Variants in RHOU observed in about 807,000 individuals in gnomAD.
The protein encoded by RHOU is rho-related GTP-binding protein RhoU.
RHOU carries 8 observed loss-of-function variants against 12.6 expected under a neutral mutation model. That is an observed-to-expected ratio of 0.64 (90% CI 0.37 to 1.15). The LOEUF is 1.15. Ranked by LOEUF, RHOU falls within the 50% of genes most tolerant of loss-of-function variation. The probability of loss-of-function intolerance (pLI) is 0.01; values close to 1 mark genes in which losing one functional copy is unlikely to be tolerated. For synonymous variants in RHOU, 161 were observed against 147.4 expected, an observed-to-expected ratio of 1.09 and a Z score of -0.67; for missense variants, 258 against 347.0, an observed-to-expected ratio of 0.74 and a Z score of 2.04.
At chr1:228,693,012 C>G in the RHOU span, among the ~76,000 whole-genome samples, 1,006 of 152,226 alleles carry the variant, frequency 6.6e-3, 5 homozygotes, top group Non-Finnish European at 6.0e-3. Context: ...CAAAACCGTA[C>G]TGTGAGTCTT....
chr1:228,702,092 A>G, the RHOU span, among the ~76,000 whole-genome samples: 1 of 152,316 alleles, frequency 6.6e-6, no homozygotes, highest in East Asian at 1.9e-4. Flanking sequence ...ATGCCAAATT[A>G]TATAAACTTA....
the RHOU span, among the ~76,000 whole-genome samples, chr1:228,648,858 C>CTTTCTT: frequency 9.3e-5 from 14 of 150,400 alleles, no homozygotes; most frequent in Admixed American, 2.7e-4. Context: ...CTTCCTCTCT[C>CTTTCTT]TCTTTCTTTC....
At chr1:228,681,126 G>A in the RHOU span, among the ~76,000 whole-genome samples, 1 of 152,180 alleles carries the variant, frequency 6.6e-6, no homozygotes, top group East Asian at 1.9e-4. Flanking sequence ...GGTGTCTGAT[G>A]AGAAAGAGCC....
At chr1:228,725,476 C>T in the RHOU span, among the ~76,000 whole-genome samples, 3 of 152,144 alleles carry the variant, frequency 2.0e-5, no homozygotes, top group Non-Finnish European at 4.4e-5. Context: ...CCCTGAGCAT[C>T]TCCCTTGAGC....
chr1:228,737,958 C>G lies in RHOU; in HGVS notation c.321+227C>G, dbSNP rs1202256320. Among the ~76,000 whole-genome samples, 2 of 152,140 alleles carry G rather than the reference C, an allele frequency of 1.3e-5. No individual in the cohort carries two copies. Among genetic ancestry groups the G allele is most frequent in the Admixed American group, 6.5e-5 (1 of 15,276 alleles). On this transcript the variant is annotated intron_variant, in intron 2 of 2. Transcript: ENST00000366691. The surrounding 1 kb of genome is among the most constrained non-coding windows in gnomAD (Gnocchi z 4.1). ...TAATAAAGCAGGGTTTGGCCCAGCT[C>G]TGCGTAACCAGGCAAGGGAGGAAGC...
rs1474939533 is a variant in RHOU, at chr1:228,745,375, TAGA to T, written c.*1640_*1642del. The T allele has an allele frequency of 2.0e-5, 3 of 152,226 alleles. No homozygotes were observed. Among genetic ancestry groups the T allele is most frequent in the Admixed American group, 1.3e-4 (2 of 15,282 alleles). 9.4% of individuals were successfully genotyped at this position (152,226 alleles called of 1,614,324 possible). A position where few individuals can be genotyped will look rare whatever the true frequency, so the allele number is the denominator to read the frequency against. On this transcript the variant is annotated 3_prime_UTR_variant, in exon 3 of 3. Transcript: ENST00000366691. ...AGGGAAATCTGTAAAGCCAGTTAGA[TAGA>T]AGAATTTTATTTTTCTGTGGGTTTT...
At position 228,743,257 on chromosome 1, in the gene RHOU, A is replaced by C; in HGVS notation, c.322-28A>C. Reference sequence around the variant, plus strand: ...TACTGATGAGAATTCATGAAAACATAACTTTTGGGTACTTTGCTTGGTTGC... The same window carrying C: ...TACTGATGAGAATTCATGAAAACATCACTTTTGGGTACTTTGCTTGGTTGC... On this transcript the variant is annotated intron_variant, in intron 2 of 2. Transcript: ENST00000366691. The surrounding 1 kb of genome is among the most constrained non-coding windows in gnomAD (Gnocchi z 5.1). 6.3e-7 allele frequency: 1 copy of C among 1,589,870 alleles called. No individual in the cohort carries two copies. The highest frequency in any genetic ancestry group is 8.6e-7 in the Non-Finnish European group (1 of 1,159,270).
the RHOU span, among the ~76,000 whole-genome samples, chr1:228,671,315 C>G: frequency 3.9e-5 from 6 of 152,080 alleles, no homozygotes; most frequent in Non-Finnish European, 1.5e-5. Flanking sequence ...TCAAGTAATT[C>G]TTTATAGCAA....
the RHOU span, among the ~76,000 whole-genome samples, chr1:228,722,593 G>A: frequency 6.6e-6 from 1 of 151,098 alleles, no homozygotes; most frequent in Admixed American, 6.6e-5. Flanking sequence ...GATAAGTTCG[G>A]TTTGTCAGAC....
the RHOU span, among the ~76,000 whole-genome samples, chr1:228,655,269 A>G: frequency 6.6e-6 from 1 of 151,854 alleles, no homozygotes; most frequent in African/African-American, 2.4e-5. Context: ...ATACCCAGCT[A>G]ATTTTTGTAT....
the RHOU span, among the ~76,000 whole-genome samples, chr1:228,670,211 A>G: frequency 6.6e-6 from 1 of 152,238 alleles, no homozygotes; most frequent in African/African-American, 2.4e-5. Context: ...AAGTGAGAAC[A>G]GATCCATTTA....
the RHOU span, among the ~76,000 whole-genome samples, chr1:228,681,132 G>C: frequency 2.2e-4 from 34 of 152,320 alleles, 1 homozygote; most frequent in South Asian, 6.6e-3. Context: ...TGATGAGAAA[G>C]AGCCTAAACG....
the RHOU span, among the ~76,000 whole-genome samples, chr1:228,647,268 CACCTCACTGTGCTCTTGGT>C: frequency 3.9e-5 from 6 of 152,150 alleles, no homozygotes; most frequent in Admixed American, 1.3e-4. Context: ...TCTTTCTTGG[CACCTCACTGTGCTCTTGGT>C]ACCTCACTGT....
chr1:228,707,249 ATATATAGTGTGTGTGTGTGT>A, the RHOU span, among the ~76,000 whole-genome samples: 1 of 94,722 alleles, frequency 1.1e-5, no homozygotes, highest in East Asian at 2.8e-4. Context: ...ATATATATAT[ATATATAGTGTGTGTGTGTGT>A]GTGTGTGTGT....
chr1:228,654,791 C>CG, the RHOU span, among the ~76,000 whole-genome samples: 1 of 152,084 alleles, frequency 6.6e-6, no homozygotes, highest in East Asian at 1.9e-4. Context: ...GGTCTTTTTT[C>CG]TTTTTTTAGA....
chr1:228,657,734 A>T, the RHOU span, among the ~76,000 whole-genome samples: 1 of 152,314 alleles, frequency 6.6e-6, no homozygotes, highest in African/African-American at 2.4e-5. Context: ...CTTTTTTCTC[A>T]AGTGCACACA....
the RHOU span, among the ~76,000 whole-genome samples, chr1:228,671,712 C>CAAAA: frequency 1.8e-3 from 117 of 64,888 alleles, no homozygotes; most frequent in African/African-American, 2.4e-3. Flanking sequence ...GACTCCATCT[C>CAAAA]AAAAAAAAAA....
At chr1:228,653,910 G>A in the RHOU span, among the ~76,000 whole-genome samples, 1 of 152,234 alleles carries the variant, frequency 6.6e-6, no homozygotes, top group Non-Finnish European at 1.5e-5. Context: ...GGAAGACTGT[G>A]AAGAGAAAAG....
At position 228,746,347 on chromosome 1, in the gene RHOU, A is replaced by G. The variant is rs936464957; in HGVS notation, c.*2607A>G. 1 of 152,244 alleles carries G rather than the reference A, an allele frequency of 6.6e-6. No homozygotes were observed. The allele number at this position is 152,244 out of a possible 1,614,324, so 9.4% of individuals were successfully genotyped here. A position where few individuals can be genotyped will look rare whatever the true frequency, so the allele number is the denominator to read the frequency against. Reference sequence around the variant, plus strand: ...TAAGAATTTTGCTTTAGAGAATGCCACTTTGGCTGAACTACAAGTGTAGGC... The same window carrying G: ...TAAGAATTTTGCTTTAGAGAATGCCGCTTTGGCTGAACTACAAGTGTAGGC... On this transcript the variant is annotated 3_prime_UTR_variant, in exon 3 of 3. Coordinates refer to ENST00000366691, the MANE Select transcript of RHOU (RefSeq NM_021205.6).
Sources: gnomAD v4.1 joint callset for allele counts (sites outside exome capture counted in the v4.1 genomes callset) on GRCh38, gnomAD v4.1.1 for gene constraint, Gnocchi (gnomAD v3.1) non-coding constraint, MANE v1.5 for transcripts, NCBI Gene and HGNC (gene_info 2026-07-23, HGNC 2026-07-21) for gene names.